Variants in MYO9A observed in about 807,000 individuals in gnomAD.
The protein encoded by MYO9A is myosin IXA, also known as unconventional myosin-IXa.
A neutral mutation model predicts 293.3 loss-of-function variants in MYO9A; 103 were observed. The ratio of observed to expected loss-of-function variants is 0.35; its 90% CI spans 0.30 to 0.41. The LOEUF is 0.41. Ranked by LOEUF, MYO9A falls within the 10% of genes least tolerant of loss-of-function variation. MYO9A has a pLI of 1.00. For synonymous variants in MYO9A, 1,001 were observed against 1,035.7 expected (o/e 0.97, Z 0.64); for missense variants, 2,685 against 3,033.0 (o/e 0.89, Z 2.69).
intron 27 of MYO9A, 61 bp downstream of exon 27, chr15:71,887,943 A>G: frequency 1.0e-6 from 1 of 968,214 alleles, no homozygotes; most frequent in South Asian, 1.7e-5. Flanking sequence ...TCAGTACTTA[A>G]CTATAGTCAG....
chr15:71,830,973 CTT>C lies in MYO9A; in HGVS notation c.6838-664_6838-663del, dbSNP rs67440366. Among the ~76,000 whole-genome samples, 371 of 103,080 alleles carry C rather than the reference CTT, an allele frequency of 3.6e-3. 1 individual carries two copies. Among genetic ancestry groups the C allele is most frequent in the Middle Eastern group, 6.0e-3 (1 of 168 alleles). 67.6% of individuals were successfully genotyped at this position (103,080 alleles called of 152,430 possible). A position where few individuals can be genotyped will look rare whatever the true frequency, so the allele number is the denominator to read the frequency against. ...GTGAAAATCTCATTGCTGCTTCTTC[CTT>C]TTTTTTTTTTTTTTTTTTTTTTTAA... On this transcript the variant is annotated intron_variant, in intron 39 of 41. Transcript: ENST00000356056.
intron 1 of MYO9A, among the ~76,000 whole-genome samples, chr15:72,088,364 G>C (rs1020974464): frequency 6.6e-6 from 1 of 152,158 alleles, no homozygotes; most frequent in Admixed American, 6.5e-5. Context: ...TACTGTCATA[G>C]GTCAATGCCT....
At chr15:72,080,710 AG>A (rs2079519476) in intron 1 of MYO9A, among the ~76,000 whole-genome samples, 1 of 152,050 alleles carries the variant, frequency 6.6e-6, no homozygotes, top group Admixed American at 6.6e-5. Context: ...TTCATCACCC[AG>A]GTATTAAGCC....
In MYO9A at chr15:71,849,722, CCACAGTT is replaced by C. The variant is rs1567194677; in HGVS notation, c.6713+307_6713+313del. ...ACCAAAGGATTCAGAGCCATTAAGA[CCACAGTT>C]AGACTAGATTACAGGAAGATACTAA... On this transcript the variant is annotated intron_variant, in intron 38 of 41. Transcript: ENST00000356056. 9.7e-5 allele frequency among the ~76,000 whole-genome samples: 13 copies of C among 134,062 alleles called. No individual in the cohort carries two copies. The East Asian group carries it at 2.7e-3, about 27-fold the overall frequency. The allele number at this position is 134,062 out of a possible 152,430, so 87.9% of individuals were successfully genotyped here. A position where few individuals can be genotyped will look rare whatever the true frequency, so the allele number is the denominator to read the frequency against.
chr15:71,833,503 T>A (rs1226835412), intron 39 of MYO9A, among the ~76,000 whole-genome samples: 1 of 151,574 alleles, frequency 6.6e-6, no homozygotes, highest in East Asian at 1.9e-4. Flanking sequence ...AAACTATTTT[T>A]AAAAAATAGA....
intron 39 of MYO9A, among the ~76,000 whole-genome samples, chr15:71,844,049 A>G (rs957475027): frequency 6.6e-6 from 1 of 152,202 alleles, no homozygotes; most frequent in Non-Finnish European, 1.5e-5. Context: ...ATACAAGTTT[A>G]TATGTAAGCT....
At chr15:71,926,536 C>T (rs1596209886) in intron 18 of MYO9A, among the ~76,000 whole-genome samples, 1 of 152,098 alleles carries the variant, frequency 6.6e-6, no homozygotes, top group Admixed American at 6.6e-5. Flanking sequence ...GAGTGAGATC[C>T]TGTCTACCAA....
Position 71,951,826 on chromosome 15 carries a change from G to A in MYO9A, c.2253C>T (p.Val751=). Residue 751 remains valine (V), a synonymous_variant, in exon 15 of 42, where the codon GTC becomes GTT. Coordinates refer to ENST00000356056, the MANE Select transcript of MYO9A (RefSeq NM_006901.4). ...MDSFSFLQHP[V]HQRSLEILQR... is the part of the protein sequence containing the mutation. Reference sequence around the variant, plus strand: ...GCAGAATCTCTAAGCTCCTCTGGTGGACTGGGTGTTGGAGAAAGCTAAAAC... The same window carrying A: ...GCAGAATCTCTAAGCTCCTCTGGTGAACTGGGTGTTGGAGAAAGCTAAAAC... The A allele has an allele frequency of 6.2e-7, 1 of 1,613,324 alleles. No homozygotes were observed. The highest frequency in any genetic ancestry group is 8.5e-7 in the Non-Finnish European group (1 of 1,179,778).
intron 2 of MYO9A, among the ~76,000 whole-genome samples, chr15:72,042,365 A>G (rs1206442444): frequency 6.6e-6 from 1 of 151,998 alleles, no homozygotes; most frequent in African/African-American, 2.4e-5. Flanking sequence ...AAAGAAAACA[A>G]TGTCCCTCAT....
chr15:71,962,672 CA>C (rs2075774343), intron 13 of MYO9A, among the ~76,000 whole-genome samples: 4 of 152,240 alleles, frequency 2.6e-5, no homozygotes, highest in Non-Finnish European at 4.4e-5. Flanking sequence ...CAGATTTAGT[CA>C]TAAGCCATAA....
intron 28 of MYO9A, among the ~76,000 whole-genome samples, chr15:71,882,012 C>G (rs767041809): frequency 1.3e-5 from 2 of 152,170 alleles, no homozygotes; most frequent in Admixed American, 6.5e-5. Flanking sequence ...CCATAAGATA[C>G]AAAAACAGGG....
chr15:71,912,606 T>C (rs2057892747), intron 19 of MYO9A, among the ~76,000 whole-genome samples: 1 of 152,352 alleles, frequency 6.6e-6, no homozygotes, highest in South Asian at 2.1e-4. Flanking sequence ...AATCTGCCAC[T>C]ATTCATGTTT....
intron 10 of MYO9A, among the ~76,000 whole-genome samples, chr15:71,993,954 CA>C (rs34602189): frequency 0.025 from 2,952 of 119,736 alleles, 76 homozygotes; most frequent in African/African-American, 0.091. Context: ...GACACCGTCT[CA>C]AAAAAAAAAA....
At chr15:71,903,243 A>C (rs1330689348) in intron 21 of MYO9A, among the ~76,000 whole-genome samples, 180 bp from the exon 22 acceptor site, 1 of 152,184 alleles carries the variant, frequency 6.6e-6, no homozygotes, top group Admixed American at 6.6e-5. Flanking sequence ...GTGGAGAAAG[A>C]TATTGGGTTC....
intron 32 of MYO9A, among the ~76,000 whole-genome samples, chr15:71,865,175 A>G (rs1270473083): frequency 6.6e-6 from 1 of 152,176 alleles, no homozygotes; most frequent in Non-Finnish European, 1.5e-5. Context: ...GGCAGATACA[A>G]GTTTTCCAAA....
rs2057476846 is a variant in MYO9A, at chr15:71,901,319, G to A, written c.3022C>T (p.Arg1008Ter). 12 of 1,612,896 alleles carry A rather than the reference G, an allele frequency of 7.4e-6. No individual in the cohort carries two copies. Among genetic ancestry groups the A allele is most frequent in the Non-Finnish European group, 9.3e-6 (11 of 1,179,636 alleles). ...TGAAGCAGATCTTGTAAGTGCTGTCGTTCCTGCTCCTTTAGAAAGACCTAC... is the reference window on the plus strand; with the variant it reads ...TGAAGCAGATCTTGTAAGTGCTGTCATTCCTGCTCCTTTAGAAAGACCTAC... ...KTMVFLKEQE[R>*]QHLQDLLHQE... The change falls in exon 23 of 42, where the codon CGA becomes TGA. Residue 1008 changes from arginine (R) to a stop codon, truncating the protein, a stop_gained. Coordinates refer to ENST00000356056, the MANE Select transcript of MYO9A (RefSeq NM_006901.4). LOFTEE classifies it high-confidence loss of function.
intron 4 of MYO9A, among the ~76,000 whole-genome samples, chr15:72,027,514 T>C (rs186477466): frequency 3.3e-5 from 5 of 152,330 alleles, no homozygotes; most frequent in Admixed American, 3.3e-4. Context: ...ACTGCTTACT[T>C]GTTCTGACAG....
chr15:71,832,754 A>G (rs2054780677), intron 39 of MYO9A, among the ~76,000 whole-genome samples: 1 of 152,222 alleles, frequency 6.6e-6, no homozygotes, highest in African/African-American at 2.4e-5. Flanking sequence ...ATGAAAGGCA[A>G]TGAAACGTGA....
At position 71,880,520 on chromosome 15, in the gene MYO9A, C is replaced by T; in HGVS notation, c.5437G>A (p.Glu1813Lys). 3 of 1,614,180 alleles carry T rather than the reference C, an allele frequency of 1.9e-6. No individual in the cohort carries two copies. Among genetic ancestry groups the T allele is most frequent in the Admixed American group, 3.3e-5 (2 of 60,026 alleles). The change falls in exon 29 of 42, where the codon GAA becomes AAA. Residue 1813 changes from glutamate to lysine, a missense_variant. Coordinates refer to ENST00000356056, the MANE Select transcript of MYO9A (RefSeq NM_006901.4). ...AYHPTPPLSP[E>K]LPGSCRKEFK... ...TCCTTCCGGCAACTGCCGGGCAGTT[C>T]TGGGCTCAAAGGAGGTGTTGGGTGA...
Sources: allele counts gnomAD v4.1 joint callset (sites outside exome capture counted in the v4.1 genomes callset), GRCh38; gene constraint gnomAD v4.1.1; transcripts MANE v1.5; gene names NCBI Gene and HGNC (gene_info 2026-07-23, HGNC 2026-07-21).